Variants in STXBP5L observed in about 807,000 individuals in gnomAD.
STXBP5L encodes the protein syntaxin-binding protein 5-like.
A neutral mutation model predicts 144.5 loss-of-function variants in STXBP5L; 65 were observed. That is an observed-to-expected ratio of 0.45 (90% confidence interval 0.37 to 0.55). The LOEUF is 0.55. Among genes scored for constraint, STXBP5L ranks in the 20% least tolerant of loss-of-function variants. The pLI is 0.00. For synonymous variants in STXBP5L, 505 were observed against 469.6 expected, an observed-to-expected ratio of 1.08 and a Z score of -0.97; for missense variants, 1,298 against 1,405.5, an observed-to-expected ratio of 0.92 and a Z score of 1.22.
intron 11 of STXBP5L, among the ~76,000 whole-genome samples, chr3:121,223,655 A>G (rs2049037007): frequency 6.6e-6 from 1 of 152,186 alleles, no homozygotes; most frequent in Non-Finnish European, 1.5e-5. Flanking sequence ...ATGACTTTTT[A>G]AAATTTTGAG....
At chr3:121,052,026 A>G (rs1419194828) in intron 5 of STXBP5L, among the ~76,000 whole-genome samples, 1 of 152,170 alleles carries the variant, frequency 6.6e-6, no homozygotes, top group African/African-American at 2.4e-5. Flanking sequence ...CCAAGACTAA[A>G]CCAGGGAGAC....
chr3:121,353,204 G>A (rs2045368409), intron 20 of STXBP5L, among the ~76,000 whole-genome samples: 1 of 152,194 alleles, frequency 6.6e-6, no homozygotes, highest in African/African-American at 2.4e-5. Flanking sequence ...CATAAAATGA[G>A]TTTGGGAGGA....
intron 22 of STXBP5L, among the ~76,000 whole-genome samples, chr3:121,387,956 G>C (rs1380031037): frequency 2.0e-5 from 3 of 152,174 alleles, no homozygotes; most frequent in African/African-American, 7.2e-5. Context: ...TTGGTAGCTT[G>C]ATGGGGATGG....
chr3:121,093,255 C>A (rs9859164), intron 5 of STXBP5L, among the ~76,000 whole-genome samples: 3 of 151,890 alleles, frequency 2.0e-5, no homozygotes, highest in South Asian at 2.1e-4. Context: ...TGTCTCTGCC[C>A]GGCTTTGGTA....
chr3:121,299,088 G>A (rs756480339), intron 19 of STXBP5L, among the ~76,000 whole-genome samples: 3 of 152,020 alleles, frequency 2.0e-5, no homozygotes, highest in Non-Finnish European at 2.9e-5. Context: ...AAATCAACAT[G>A]GAAGGATAAT....
rs549641018 is a variant in STXBP5L, at chr3:120,946,140, G to C, written c.190-8800G>C. ...ATTTACTTCTTTTTAAAAATGAATG[G>C]TTGGGGTATGTATTAGGATGCAAGT... On this transcript the variant is annotated intron_variant, in intron 2 of 26. Coordinates refer to ENST00000471454, the MANE Select transcript of STXBP5L (RefSeq NM_001308330.2). Among the ~76,000 whole-genome samples the C allele has an allele frequency of 6.6e-5, 10 of 151,872 alleles. No homozygotes were observed. The East Asian group carries it at 1.9e-3, about 29-fold the overall frequency.
At chr3:121,012,492 C>A (rs1323147970) in intron 3 of STXBP5L, among the ~76,000 whole-genome samples, 1 of 151,620 alleles carries the variant, frequency 6.6e-6, no homozygotes, top group Non-Finnish European at 1.5e-5. Flanking sequence ...CCAACACTTG[C>A]TATTGTTTAT....
chr3:121,327,375 G>C (rs985374994), intron 20 of STXBP5L, among the ~76,000 whole-genome samples: 4 of 152,168 alleles, frequency 2.6e-5, no homozygotes, highest in African/African-American at 9.7e-5. Context: ...TGGAAAGAAT[G>C]AGTCTAGGAG....
chr3:121,071,723 G>A (rs889967979), intron 5 of STXBP5L, among the ~76,000 whole-genome samples: 8 of 152,180 alleles, frequency 5.3e-5, no homozygotes, highest in African/African-American at 1.9e-4. Context: ...AGGCTAACAG[G>A]TATTCTTTCT....
intron 9 of STXBP5L, among the ~76,000 whole-genome samples, chr3:121,167,576 G>A (rs1482029615): frequency 1.3e-5 from 2 of 152,014 alleles, no homozygotes; most frequent in African/African-American, 4.8e-5. Flanking sequence ...TTCAAACTGG[G>A]TGGAGCCCTC....
At chr3:121,349,447 G>T (rs543168441) in intron 20 of STXBP5L, among the ~76,000 whole-genome samples, 1 of 151,964 alleles carries the variant, frequency 6.6e-6, no homozygotes, top group East Asian at 1.9e-4. Context: ...GATTTGGGGT[G>T]GAGAGTTCTG....
At chr3:121,302,737 A>G (rs1040424994) in intron 19 of STXBP5L, among the ~76,000 whole-genome samples, 1 of 152,206 alleles carries the variant, frequency 6.6e-6, no homozygotes, top group East Asian at 1.9e-4. Context: ...CCTGTCTACA[A>G]CTATCTGATG....
At position 121,420,124 on chromosome 3, in the gene STXBP5L, T is replaced by C. The variant is rs1279898303; in HGVS notation, c.*1027T>C. 1 of 152,218 alleles carries C rather than the reference T, an allele frequency of 6.6e-6. No homozygotes were observed. The highest frequency in any genetic ancestry group is 1.5e-5 in the Non-Finnish European group (1 of 68,036). 9.4% of individuals were successfully genotyped at this position (152,218 alleles called of 1,614,324 possible). On this transcript the variant is annotated 3_prime_UTR_variant, in exon 27 of 27. Coordinates refer to ENST00000471454, the MANE Select transcript of STXBP5L (RefSeq NM_001308330.2). ...CGAAAGGTGCTCTTGCAGCCTGACA[T>C]TCACAAACCAAACTGGTCATTCTCT...
intron 5 of STXBP5L, among the ~76,000 whole-genome samples, chr3:121,096,838 G>C (rs1055650724): frequency 6.6e-6 from 1 of 152,162 alleles, no homozygotes; most frequent in Non-Finnish European, 1.5e-5. Context: ...ATCCACTTGA[G>C]CAGGCAGTCT....
chr3:120,958,678 G>T (rs900147988), intron 3 of STXBP5L, among the ~76,000 whole-genome samples: 7 of 152,142 alleles, frequency 4.6e-5, no homozygotes, highest in Non-Finnish European at 1.0e-4. Context: ...AATAGATGCA[G>T]AAAAGGCCTT....
chr3:121,189,040 G>A (rs1318314889), intron 9 of STXBP5L, among the ~76,000 whole-genome samples: 2 of 152,174 alleles, frequency 1.3e-5, no homozygotes, highest in South Asian at 2.1e-4. Context: ...CAGATGACAT[G>A]AATTTTATAC....
intron 3 of STXBP5L, among the ~76,000 whole-genome samples, chr3:120,992,074 T>G (rs1942946299): frequency 6.6e-6 from 1 of 152,184 alleles, no homozygotes; most frequent in Non-Finnish European, 1.5e-5. Context: ...TTGAAATGAT[T>G]TATTGTAGAG....
intron 3 of STXBP5L, among the ~76,000 whole-genome samples, chr3:120,995,938 G>A (rs935618859): frequency 6.6e-6 from 1 of 152,012 alleles, no homozygotes; most frequent in African/African-American, 2.4e-5. Flanking sequence ...TCAAGGGTAG[G>A]TTTTACAGAA....
chr3:120,972,450 C>G (rs1940382675), intron 3 of STXBP5L, among the ~76,000 whole-genome samples: 1 of 152,066 alleles, frequency 6.6e-6, no homozygotes, highest in Non-Finnish European at 1.5e-5. Flanking sequence ...ATTCATCTAT[C>G]AAATCTAGGA....
Sources: gnomAD v4.1 joint callset for allele counts (sites outside exome capture counted in the v4.1 genomes callset) on GRCh38, gnomAD v4.1.1 for gene constraint, MANE v1.5 for transcripts, NCBI Gene and HGNC (gene_info 2026-07-23, HGNC 2026-07-21) for gene names.